Variants in SLPI observed in about 807,000 individuals in gnomAD.
SLPI encodes secretory leukocyte peptidase inhibitor, also known as antileukoproteinase.
Under a neutral mutation model 14.3 loss-of-function variants are expected in SLPI, and 20 were observed. The observed-to-expected ratio is 1.40, with a 90% CI of 0.99 to 2.04. SLPI has a LOEUF of 2.04. SLPI is among the 30% of genes most tolerant of loss of function. SLPI has a pLI of 0.00. For missense variants in SLPI, 169 were observed against 159.4 expected (o/e 1.06, Z -0.32); for synonymous variants, 68 against 54.8 (o/e 1.24, Z -1.07).
chr20:45,254,383 G>C (rs576777144), intron 1 of SLPI, 76 bp downstream of exon 1: 3 of 1,242,198 alleles, frequency 2.4e-6, no homozygotes, highest in Non-Finnish European at 3.5e-6. Context: ...CCTACAGAAG[G>C]GGACACACCC....
chr20:45,252,603 G>C (rs1984693066), intron 3 of SLPI, among the ~76,000 whole-genome samples, 184 bp from the exon 4 acceptor site: 1 of 152,298 alleles, frequency 6.6e-6, no homozygotes, highest in Admixed American at 6.5e-5. Flanking sequence ...TCAAAGCATT[G>C]AACTAGATAA....
intron 1 of SLPI, among the ~76,000 whole-genome samples, chr20:45,254,198 TGAGA>T (rs144801825): frequency 0.16 from 21,723 of 135,144 alleles, 1,609 homozygotes; most frequent in Non-Finnish European, 0.18. Context: ...AGGCGGAGTA[TGAGA>T]GAGAGAGAGA....
intron 1 of SLPI, among the ~76,000 whole-genome samples, chr20:45,253,937 C>T (rs1984742663): frequency 6.6e-6 from 1 of 151,952 alleles, no homozygotes; most frequent in South Asian, 2.1e-4. Context: ...CGTTTCACAC[C>T]CAAGAAAAGG....
rs146858842 is a variant in SLPI, at chr20:45,253,174, G to A, written c.245-23C>T. ...TTGCTGGGTGAGAGTGAGGCTACCGGTCAGAGGCCTTGTACTTTATACAAC... is the reference window on the plus strand; with the variant it reads ...TTGCTGGGTGAGAGTGAGGCTACCGATCAGAGGCCTTGTACTTTATACAAC... On this transcript the variant is annotated intron_variant, in intron 2 of 3. Transcript: ENST00000338380. 6.8e-5 allele frequency: 109 copies of A among 1,611,576 alleles called. No individual in the cohort carries two copies. The East Asian group carries it at 2.3e-3, about 34-fold the overall frequency.
chr20:45,253,231 C>T (rs1357191772), intron 2 of SLPI, 80 bp from the exon 3 acceptor site: 5 of 1,512,806 alleles, frequency 3.3e-6, no homozygotes, highest in Admixed American at 1.8e-5. Flanking sequence ...GAGTGAGCCC[C>T]TGCTCCAGCT....
At chr20:45,253,787 C>G in intron 1 of SLPI, 54 bp from the exon 2 acceptor site, 1 of 1,548,912 alleles carries the variant, frequency 6.5e-7, no homozygotes, top group Non-Finnish European at 8.8e-7. Flanking sequence ...GAGGACCCAT[C>G]ATGCCTCCTG....
Position 45,253,569 on chromosome 20 carries a change from GC to G in SLPI, c.244+5del, listed in dbSNP as rs1984728854. 3.1e-6 allele frequency: 5 copies of G among 1,612,496 alleles called. No individual in the cohort carries two copies. The highest frequency in any genetic ancestry group is 4.2e-6 in the Non-Finnish European group (5 of 1,179,152). On this transcript the variant is annotated splice_donor_5th_base_variant and intron_variant, in intron 2 of 3. Coordinates refer to ENST00000338380, the MANE Select transcript of SLPI (RefSeq NM_003064.4). ...TCCTCTCTACCCAGTTCCCCGACCT[GC>G]TTACTTGGGTTTGGGGTGTCAACAG...
rs1984728378 is a variant in SLPI, at chr20:45,253,557, G to C, written c.244+18C>G. The C allele has an allele frequency of 1.2e-6, 2 of 1,609,382 alleles. No homozygotes were observed. The highest frequency in any genetic ancestry group is 2.2e-5 in the East Asian group (1 of 44,866). ...CCCCAGGCTCACTCCTCTCTACCCA[G>C]TTCCCCGACCTGCTTACTTGGGTTT... On this transcript the variant is annotated intron_variant, in intron 2 of 3. Transcript: ENST00000338380.
chr20:45,253,423 T>C, intron 2 of SLPI, 152 bp downstream of exon 2: 1 of 833,900 alleles, frequency 1.2e-6, no homozygotes, highest in Non-Finnish European at 1.9e-6. Flanking sequence ...TGCCCGCTGC[T>C]TCACCAGCTG....
At chr20:45,253,778 A>T in intron 1 of SLPI, 45 bp from the exon 2 acceptor site, 1 of 1,582,254 alleles carries the variant, frequency 6.3e-7, no homozygotes, top group Non-Finnish European at 8.6e-7. Flanking sequence ...CTGGGTACTG[A>T]GGACCCATCA....
rs1984686948 is a variant in SLPI at position 45,252,406 on chromosome 20, T to C, written c.*9A>G. 1 of 1,613,692 alleles carries C rather than the reference T, an allele frequency of 6.2e-7. No individual in the cohort carries two copies. The highest frequency in any genetic ancestry group is 1.3e-5 in the African/African-American group (1 of 74,916). ...GCAGGACTCCAGAGCCTCCTCCATA[T>C]GGCAGGAATCAAGCTGTGAGAGAAA... On this transcript the variant is annotated 3_prime_UTR_variant, in exon 4 of 4. Coordinates refer to ENST00000338380, the MANE Select transcript of SLPI (RefSeq NM_003064.4).
rs1426886211 is a variant in SLPI, at chr20:45,253,003, T to G, written c.393A>C (p.Lys131Asn). 6.2e-7 allele frequency: 1 copy of G among 1,613,746 alleles called. No homozygotes were observed. The highest frequency in any genetic ancestry group is 8.5e-7 in the Non-Finnish European group (1 of 1,179,782). Residue 131 changes from lysine (K) to asparagine (N), a missense_variant and splice_region_variant, in exon 3 of 4, where the codon AAA (lysine) becomes AAC (asparagine). Physicochemically the swap from Lys to Asn is moderately conservative, Grantham distance 94. Transcript: ENST00000338380. ...MCGKSCVSPV[K>N]A ...AGTGTGCCCTCATCCCCTGCTTACC[T>G]TTCACAGGGGAAACGCAGGATTTCC...
At chr20:45,252,552 T>G in intron 3 of SLPI, 133 bp from the exon 4 acceptor site, 1 of 861,540 alleles carries the variant, frequency 1.2e-6, no homozygotes, top group Non-Finnish European at 1.8e-6. Flanking sequence ...AGAGACTTAG[T>G]GTCAGGAGAC....
rs920229150 is a variant in SLPI, at chr20:45,253,880, C to T, written c.86-147G>A. 4.5e-6 allele frequency: 3 copies of T among 662,132 alleles called. No homozygotes were observed. In the African/African-American group the frequency reaches 5.4e-5, roughly 12 times the overall value. 41.0% of individuals were successfully genotyped at this position (662,132 alleles called of 1,614,324 possible). ...CCAAAGGGTCATGCCTGCCTGATCT[C>T]CAGGTGTATTGATGGGCTTGATTAA... is the stretch of plus-strand genomic sequence containing the variant. On this transcript the variant is annotated intron_variant, in intron 1 of 3. Coordinates refer to ENST00000338380, the MANE Select transcript of SLPI (RefSeq NM_003064.4).
Position 45,253,583 on chromosome 20 carries a change from G to A in SLPI, c.236C>T (p.Pro79Leu), listed in dbSNP as rs1200158091. 6.2e-7 allele frequency: 1 copy of A among 1,613,444 alleles called. No homozygotes were observed. Among genetic ancestry groups the A allele is most frequent in the Non-Finnish European group, 8.5e-7 (1 of 1,179,708 alleles). The change falls in exon 2 of 4, where the codon CCA becomes CTA. Residue 79 changes from proline (P) to leucine (L), a missense_variant. Transcript: ENST00000338380. ...TTCCCCGACCTGCTTACTTGGGTTT[G>A]GGGTGTCAACAGGATCCAGGCATTT... is the stretch of plus-strand genomic sequence containing the variant. ...GIKCLDPVDT[P>L]NPTRRKPGKC... is the part of the protein sequence containing the mutation.
At chr20:45,252,944 A>G (rs902765354) in intron 3 of SLPI, 58 bp downstream of exon 3, 19 of 1,581,242 alleles carry the variant, frequency 1.2e-5, no homozygotes, top group Middle Eastern at 1.9e-4. Flanking sequence ...CTGGGCCTCC[A>G]GAGGGTTGAG....
At position 45,254,534 on chromosome 20, in the gene SLPI, T is replaced by C. The variant is rs1331387472; in HGVS notation, c.10A>G (p.Ser4Gly). The C allele has an allele frequency of 1.2e-6, 2 of 1,613,948 alleles. No individual in the cohort carries two copies. Among genetic ancestry groups the C allele is most frequent in the Non-Finnish European group, 8.5e-7 (1 of 1,179,946 alleles). Residue 4 changes from serine to glycine, a missense_variant, in exon 1 of 4, where the codon AGC becomes GGC. Coordinates refer to ENST00000338380, the MANE Select transcript of SLPI (RefSeq NM_003064.4). MKSSGLFPFLVLLA... is the reference protein window; with the variant it reads MKSGGLFPFLVLLA... ...AGCACCAGGAAGGGGAAGAGGCCGCTGGACTTCATGGTGAAGGCAGGAGTG... is the reference window on the plus strand; with the variant it reads ...AGCACCAGGAAGGGGAAGAGGCCGCCGGACTTCATGGTGAAGGCAGGAGTG...
At chr20:45,253,774 A>G (rs41282758) in intron 1 of SLPI, 41 bp from the exon 2 acceptor site, 41 of 1,588,216 alleles carry the variant, frequency 2.6e-5, no homozygotes, top group Non-Finnish European at 3.5e-5. Flanking sequence ...GAGGCTGGGT[A>G]CTGAGGACCC....
intron 3 of SLPI, among the ~76,000 whole-genome samples, chr20:45,252,667 C>T (rs78617874): frequency 0.041 from 6,188 of 152,224 alleles, 312 homozygotes; most frequent in Admixed American, 0.16. Flanking sequence ...ATGATGGAAA[C>T]AACCTGAATA....
Sources: gnomAD v4.1 joint callset for allele counts (sites outside exome capture counted in the v4.1 genomes callset) on GRCh38, gnomAD v4.1.1 for gene constraint, MANE v1.5 for transcripts, NCBI Gene and HGNC (gene_info 2026-07-23, HGNC 2026-07-21) for gene names.